LRMDA: variants seen among roughly 807,000 people sequenced by gnomAD.
LRMDA encodes leucine rich melanocyte differentiation associated.
In LRMDA, 18 loss-of-function variants were observed where a neutral mutation model predicts 29.8. That is an observed-to-expected ratio of 0.60 (90% CI 0.42 to 0.90). The LOEUF (loss-of-function observed/expected upper bound fraction) is 0.90, where lower values mean the gene tolerates loss of function less well. Among genes scored for constraint, LRMDA ranks in the 40% least tolerant of loss-of-function variants. The probability of loss-of-function intolerance (pLI) is 0.00; values close to 1 mark genes in which losing one functional copy is unlikely to be tolerated. For missense variants in LRMDA, 273 were observed against 273.9 expected, an observed-to-expected ratio of 1.00 and a Z score of 0.02; for synonymous variants, 125 against 109.4, an observed-to-expected ratio of 1.14 and a Z score of -0.89.
At chr10:75,978,382 T>A (rs1847110448) in intron 2 of LRMDA, among the ~76,000 whole-genome samples, 1 of 152,172 alleles carries the variant, frequency 6.6e-6, no homozygotes, top group Admixed American at 6.5e-5. Context: ...TGCGCATTCC[T>A]CCCTCAAGAA....
intron 2 of LRMDA, among the ~76,000 whole-genome samples, chr10:75,998,868 G>A (rs111566531): frequency 0.031 from 4,733 of 152,288 alleles, 82 homozygotes; most frequent in Middle Eastern, 0.048. Context: ...GCATGGGGAC[G>A]TCTAGGACCT....
chr10:75,875,668 G>A (rs766286113), intron 2 of LRMDA, among the ~76,000 whole-genome samples: 3 of 152,208 alleles, frequency 2.0e-5, no homozygotes, highest in Non-Finnish European at 2.9e-5. Context: ...CTGACCTCAG[G>A]TGATCCACCT....
chr10:75,760,853 A>G (rs1039590553), intron 2 of LRMDA, among the ~76,000 whole-genome samples: 1 of 152,216 alleles, frequency 6.6e-6, no homozygotes, highest in Non-Finnish European at 1.5e-5. Flanking sequence ...ATGGAGGAAA[A>G]TCAGGTAATG....
chr10:75,707,416 G>C (rs1842382641), intron 2 of LRMDA, among the ~76,000 whole-genome samples: 1 of 152,180 alleles, frequency 6.6e-6, no homozygotes, highest in African/African-American at 2.4e-5. Context: ...GATGCTCAAG[G>C]TTAAGGGACC....
intron 2 of LRMDA, among the ~76,000 whole-genome samples, chr10:75,463,178 C>T (rs895811074): frequency 3.3e-5 from 5 of 152,162 alleles, no homozygotes; most frequent in Admixed American, 6.5e-5. Flanking sequence ...GACAGGGTGA[C>T]CTCAGCTGGG....
intron 2 of LRMDA, among the ~76,000 whole-genome samples, chr10:75,669,190 G>A (rs1841861671): frequency 6.6e-6 from 1 of 152,162 alleles, no homozygotes; most frequent in Admixed American, 6.5e-5. Context: ...TGTCACCCTC[G>A]TTCCTGAGGG....
At chr10:75,446,260 T>C (rs558048447) in intron 2 of LRMDA, among the ~76,000 whole-genome samples, 2 of 152,354 alleles carry the variant, frequency 1.3e-5, no homozygotes, top group East Asian at 3.9e-4. Flanking sequence ...CACCTGTTGG[T>C]TAACTGACTG....
chr10:76,354,945 C>T (rs1355776441), intron 6 of LRMDA, among the ~76,000 whole-genome samples: 1 of 152,152 alleles, frequency 6.6e-6, no homozygotes, highest in African/African-American at 2.4e-5. Flanking sequence ...ACCAGCCTCT[C>T]TTCATCCCCC....
intron 2 of LRMDA, among the ~76,000 whole-genome samples, chr10:75,951,074 G>T (rs1846565951): frequency 2.6e-5 from 4 of 152,162 alleles, no homozygotes; most frequent in Non-Finnish European, 4.4e-5. Flanking sequence ...ATTCCTGGCA[G>T]CTGCTACCCA....
rs933654748 is a variant in LRMDA, at chr10:76,473,280, TA to T, written c.602-83920del. Among the ~76,000 whole-genome samples the T allele has an allele frequency of 9.4e-5, 14 of 149,584 alleles. No homozygotes were observed. The South Asian group carries it at 2.1e-3, about 23-fold the overall frequency. ...AACCACATGACTATCTCCACACCATTAAAAAAAAAGTATTTGACAAAAGTCC... is the reference window on the plus strand; with the variant it reads ...AACCACATGACTATCTCCACACCATTAAAAAAAAGTATTTGACAAAAGTCC... On this transcript the variant is annotated intron_variant, in intron 6 of 6. Transcript: ENST00000611255.
At chr10:76,413,095 A>G (rs913091659) in intron 6 of LRMDA, among the ~76,000 whole-genome samples, 1 of 151,886 alleles carries the variant, frequency 6.6e-6, no homozygotes, top group Non-Finnish European at 1.5e-5. Flanking sequence ...CTTCTCACAT[A>G]TCTCTATCTG....
At chr10:75,822,912 G>A (rs1844186525) in intron 2 of LRMDA, among the ~76,000 whole-genome samples, 1 of 152,054 alleles carries the variant, frequency 6.6e-6, no homozygotes. Context: ...AATAATGCTG[G>A]CATAATTGGA....
chr10:75,625,180 G>A (rs1346589736), intron 2 of LRMDA, among the ~76,000 whole-genome samples: 2 of 152,236 alleles, frequency 1.3e-5, no homozygotes, highest in Non-Finnish European at 2.9e-5. Flanking sequence ...TGATGGTAGT[G>A]ATGCTGTGAT....
chr10:75,805,200 G>C (rs907826376), intron 2 of LRMDA, among the ~76,000 whole-genome samples: 1 of 152,122 alleles, frequency 6.6e-6, no homozygotes, highest in Non-Finnish European at 1.5e-5. Context: ...TGAAGTGAAC[G>C]GGGTTCCTTT....
chr10:75,616,275 G>GT (rs1317759174), intron 2 of LRMDA, among the ~76,000 whole-genome samples: 1 of 152,164 alleles, frequency 6.6e-6, no homozygotes, highest in African/African-American at 2.4e-5. Flanking sequence ...AGCAGCAGCA[G>GT]CAGCAGCAGT....
chr10:76,424,813 C>T (rs866519789), intron 6 of LRMDA, among the ~76,000 whole-genome samples: 9 of 152,144 alleles, frequency 5.9e-5, no homozygotes, highest in African/African-American at 9.7e-5. Context: ...AGTCTTTTCA[C>T]GGCACCTTAC....
chr10:75,874,992 A>G (rs114072623), intron 2 of LRMDA, among the ~76,000 whole-genome samples: 311 of 152,286 alleles, frequency 2.0e-3, no homozygotes, highest in African/African-American at 7.0e-3. Flanking sequence ...ATCATGAGCA[A>G]TTATTCAGTC....
chr10:75,822,813 C>A (rs890178026), intron 2 of LRMDA, among the ~76,000 whole-genome samples: 2 of 152,048 alleles, frequency 1.3e-5, no homozygotes, highest in Non-Finnish European at 2.9e-5. Context: ...CCTCAAATTC[C>A]TGGGCTCAAA....
In LRMDA at chr10:75,739,012, C is replaced by A. The variant is rs547444436; in HGVS notation, c.132-296996C>A. Among the ~76,000 whole-genome samples, 26 of 152,314 alleles carry A rather than the reference C, an allele frequency of 1.7e-4. No individual in the cohort carries two copies. In the South Asian group the frequency reaches 4.4e-3, roughly 26 times the overall value. On this transcript the variant is annotated intron_variant, in intron 2 of 6. Coordinates refer to ENST00000611255, the MANE Select transcript of LRMDA (RefSeq NM_001305581.2). ...CTGATTAGCAACTTTTGCTTGGTCC[C>A]ACTCACACACTGACCGTTAAATTAC...
Sources: allele counts gnomAD v4.1 joint callset (sites outside exome capture counted in the v4.1 genomes callset), GRCh38; gene constraint gnomAD v4.1.1; transcripts MANE v1.5; gene names NCBI Gene and HGNC (gene_info 2026-07-23, HGNC 2026-07-21).